Variants in SGIP1 observed in about 807,000 individuals in gnomAD.
SGIP1 encodes SH3GL interacting endocytic adaptor 1, also known as SH3-containing GRB2-like protein 3-interacting protein 1.
SGIP1 carries 38 observed loss-of-function variants against 107.5 expected under a neutral mutation model. The observed-to-expected ratio is 0.35, with a 90% CI of 0.27 to 0.46. SGIP1 has a LOEUF of 0.46. SGIP1 is among the 20% of genes least tolerant of loss of function. SGIP1 has a pLI of 1.00. For synonymous variants in SGIP1, 365 were observed against 366.1 expected (o/e 1.00, Z 0.03); for missense variants, 929 against 1,019.5 (o/e 0.91, Z 1.21).
chr1:66,744,101 G>A lies in SGIP1; in HGVS notation c.*1006G>A, dbSNP rs1404525032. ...CCTCTTTACCCACAGGAATCAAAAC[G>A]CTGAGACTGAGAATTTTAGGGAAAA... On this transcript the variant is annotated 3_prime_UTR_variant, in exon 25 of 25. Coordinates refer to ENST00000371037, the MANE Select transcript of SGIP1 (RefSeq NM_032291.4). 4 of 152,054 alleles carry A rather than the reference G, an allele frequency of 2.6e-5. No individual in the cohort carries two copies. The highest frequency in any genetic ancestry group is 7.2e-5 in the African/African-American group (3 of 41,406). The allele number at this position is 152,054 out of a possible 1,614,324, so 9.4% of individuals were successfully genotyped here. A position where few individuals can be genotyped will look rare whatever the true frequency, so the allele number is the denominator to read the frequency against.
Position 66,743,161 on chromosome 1 carries a change from T to A in SGIP1, c.*66T>A. On this transcript the variant is annotated 3_prime_UTR_variant, in exon 25 of 25. Transcript: ENST00000371037. ...GAACTGATGTATGAGAAACAGATTT[T>A]AATTTTGGTTTGATGAAAACAAACC... 1 of 1,579,298 alleles carries A rather than the reference T, an allele frequency of 6.3e-7. No homozygotes were observed. The highest frequency in any genetic ancestry group is 8.7e-7 in the Non-Finnish European group (1 of 1,153,774).
At chr1:66,648,044 C>T (rs188419907) in intron 7 of SGIP1, among the ~76,000 whole-genome samples, 24 of 152,260 alleles carry the variant, frequency 1.6e-4, no homozygotes, top group East Asian at 5.8e-4. Context: ...CTTTACACAA[C>T]GAACAACAGC....
intron 17 of SGIP1, 29 bp downstream of exon 17, chr1:66,690,345 GT>G (rs1557642366): frequency 6.2e-7 from 1 of 1,612,428 alleles, no homozygotes. Flanking sequence ...CTTTTAATCC[GT>G]TTGTGGTTTT....
intron 8 of SGIP1, among the ~76,000 whole-genome samples, chr1:66,665,634 T>C (rs2082376671): frequency 6.6e-6 from 1 of 152,240 alleles, no homozygotes; most frequent in Non-Finnish European, 1.5e-5. Context: ...CCAGCACCTG[T>C]TGTTTCCTGA....
At position 66,745,834 on chromosome 1, in the gene SGIP1, GA is replaced by G. The variant is rs1475100717; in HGVS notation, c.*2742del. ...TTTCCAATAAAATCCATATTTTCGT[GA>G]AATTTTTAAAAATAAATTTGTATCA... On this transcript the variant is annotated 3_prime_UTR_variant, in exon 25 of 25. Transcript: ENST00000371037. 6.6e-6 allele frequency: 1 copy of G among 151,980 alleles called. No individual in the cohort carries two copies. The highest frequency in any genetic ancestry group is 2.4e-5 in the African/African-American group (1 of 41,396). The allele number at this position is 151,980 out of a possible 1,614,324, so 9.4% of individuals were successfully genotyped here. A position where few individuals can be genotyped will look rare whatever the true frequency, so the allele number is the denominator to read the frequency against.
chr1:66,610,226 G>A (rs1482109651), intron 1 of SGIP1, among the ~76,000 whole-genome samples: 2 of 152,140 alleles, frequency 1.3e-5, no homozygotes, highest in Admixed American at 1.3e-4. Context: ...TCTATATGCT[G>A]GAGTACCACA....
At chr1:66,734,957 G>A (rs2094167882) in intron 21 of SGIP1, among the ~76,000 whole-genome samples, 1 of 152,032 alleles carries the variant, frequency 6.6e-6, no homozygotes. Context: ...TTTTTGTGAT[G>A]AGAACACTTT....
chr1:66,549,595 C>T (rs1202397069), intron 1 of SGIP1, among the ~76,000 whole-genome samples: 3 of 152,140 alleles, frequency 2.0e-5, no homozygotes, highest in African/African-American at 7.2e-5. Flanking sequence ...TCATGTTATC[C>T]TTATTATTAC....
chr1:66,541,103 A>G (rs1038604225), intron 1 of SGIP1, among the ~76,000 whole-genome samples: 1 of 152,122 alleles, frequency 6.6e-6, no homozygotes, highest in Non-Finnish European at 1.5e-5. Context: ...TCCACAATTT[A>G]CTTTTGCCTC....
chr1:66,605,499 T>C (rs1379111084), intron 1 of SGIP1, among the ~76,000 whole-genome samples: 6 of 152,024 alleles, frequency 3.9e-5, no homozygotes, highest in East Asian at 3.9e-4. Context: ...ACCTGGATAC[T>C]TGAATTAAGG....
At chr1:66,718,637 T>A (rs994708891) in intron 18 of SGIP1, among the ~76,000 whole-genome samples, 5 of 152,114 alleles carry the variant, frequency 3.3e-5, no homozygotes, top group Non-Finnish European at 5.9e-5. Flanking sequence ...GCCTTGCCCA[T>A]GTCTGCATGA....
intron 7 of SGIP1, among the ~76,000 whole-genome samples, chr1:66,653,022 T>C (rs2079056750): frequency 6.6e-6 from 1 of 152,090 alleles, no homozygotes; most frequent in South Asian, 2.1e-4. Flanking sequence ...TGCCACTCCA[T>C]CCCCAAATCT....
chr1:66,622,361 C>T (rs2071370890), intron 1 of SGIP1, among the ~76,000 whole-genome samples: 1 of 152,174 alleles, frequency 6.6e-6, no homozygotes, highest in African/African-American at 2.4e-5. Flanking sequence ...GGTAGGACCT[C>T]AGCACTGGTA....
Position 66,733,791 on chromosome 1 carries a change from A to C in SGIP1, c.1942A>C (p.Asn648His). The change falls in exon 21 of 25, where the codon AAC becomes CAC. Residue 648 changes from asparagine (N) to histidine (H), a missense_variant. Coordinates refer to ENST00000371037, the MANE Select transcript of SGIP1 (RefSeq NM_032291.4). ...NDANTKEFWV[N>H]MPNLMTHLKK... Reference sequence around the variant, plus strand: ...TGCCAATACCAAGGAATTCTGGGTAAACATGCCAAATTTGATGACTCACCT... The same window carrying C: ...TGCCAATACCAAGGAATTCTGGGTACACATGCCAAATTTGATGACTCACCT... 1.2e-6 allele frequency: 2 copies of C among 1,613,642 alleles called. No individual in the cohort carries two copies. The highest frequency in any genetic ancestry group is 2.2e-5 in the South Asian group (2 of 91,028).
chr1:66,581,977 A>C (rs2061884458), intron 1 of SGIP1, among the ~76,000 whole-genome samples: 1 of 152,116 alleles, frequency 6.6e-6, no homozygotes, highest in Non-Finnish European at 1.5e-5. Context: ...AAGGAGAGGC[A>C]TTGAACTATA....
intron 1 of SGIP1, among the ~76,000 whole-genome samples, chr1:66,564,242 CCCATGGCTAAGGAGTGGCATA>C (rs1431199146): frequency 4.6e-5 from 7 of 151,908 alleles, no homozygotes; most frequent in Non-Finnish European, 8.8e-5. Flanking sequence ...TTCCCTATGT[CCCATGGCTAAGGAGTGGCATA>C]CCTGGACTTG....
chr1:66,545,850 A>G (rs766659757), intron 1 of SGIP1, among the ~76,000 whole-genome samples: 1 of 152,168 alleles, frequency 6.6e-6, no homozygotes, highest in African/African-American at 2.4e-5. Flanking sequence ...CTTAATTACT[A>G]TTCTCTTTTA....
chr1:66,710,233 A>G (rs1333865996), intron 18 of SGIP1, among the ~76,000 whole-genome samples: 1 of 152,150 alleles, frequency 6.6e-6, no homozygotes, highest in Non-Finnish European at 1.5e-5. Flanking sequence ...TTAAGCTCTC[A>G]TGATACAGTT....
At chr1:66,584,067 TTTTA>T (rs1205281482) in intron 1 of SGIP1, among the ~76,000 whole-genome samples, 1 of 152,128 alleles carries the variant, frequency 6.6e-6, no homozygotes, top group African/African-American at 2.4e-5. Context: ...GTGTTGTTGC[TTTTA>T]TTTATCTTTG....
Sources: allele counts gnomAD v4.1 joint callset (sites outside exome capture counted in the v4.1 genomes callset), GRCh38; gene constraint gnomAD v4.1.1; transcripts MANE v1.5; gene names NCBI Gene and HGNC (gene_info 2026-07-23, HGNC 2026-07-21).